GMDS: variants seen among roughly 807,000 people sequenced by gnomAD.
GMDS encodes GDP-mannose 4,6 dehydratase.
Under a neutral mutation model 49.9 loss-of-function variants are expected in GMDS, and 20 were observed. The observed-to-expected ratio is 0.40, with a 90% CI of 0.28 to 0.58. GMDS has a LOEUF of 0.58. Among genes scored for constraint, GMDS ranks in the 20% least tolerant of loss-of-function variants. The pLI is 0.42. For missense variants in GMDS, 362 were observed against 481.4 expected (o/e 0.75, Z 2.32); for synonymous variants, 177 against 178.6 (o/e 0.99, Z 0.07).
At chr6:1,837,213 A>T (rs1485242641) in intron 7 of GMDS, among the ~76,000 whole-genome samples, 1 of 152,208 alleles carries the variant, frequency 6.6e-6, no homozygotes, top group African/African-American at 2.4e-5. Flanking sequence ...AAAGTACAAG[A>T]TTCTTAAATG....
chr6:2,103,710 T>C (rs1419731076), intron 4 of GMDS, among the ~76,000 whole-genome samples: 1 of 152,178 alleles, frequency 6.6e-6, no homozygotes, highest in Admixed American at 6.5e-5. Flanking sequence ...CCAAATGCAA[T>C]TCTAAAACTT....
chr6:2,180,642 TATAA>T (rs888915834), intron 1 of GMDS, among the ~76,000 whole-genome samples: 44 of 152,156 alleles, frequency 2.9e-4, no homozygotes, highest in African/African-American at 4.8e-4. Context: ...ATAAATTATA[TATAA>T]ATAAATAAAT....
rs1312097407 is a variant in GMDS, at chr6:2,169,706, TC to T, written c.103-44976del. ...GGCCATCAGAAGAATAACTTATTTT[TC>T]CCTTTGATTTCATAAAATATTTGCC... On this transcript the variant is annotated intron_variant, in intron 1 of 10. Coordinates refer to ENST00000380815, the MANE Select transcript of GMDS (RefSeq NM_001500.4). 3.9e-5 allele frequency among the ~76,000 whole-genome samples: 6 copies of T among 152,196 alleles called. No individual in the cohort carries two copies. In the East Asian group the frequency reaches 1.2e-3, roughly 29 times the overall value.
At chr6:1,974,120 A>G (rs1318806541) in intron 4 of GMDS, among the ~76,000 whole-genome samples, 1 of 152,026 alleles carries the variant, frequency 6.6e-6, no homozygotes, top group African/African-American at 2.4e-5. Flanking sequence ...CAAAAATAGC[A>G]GATAGTAAAT....
At chr6:1,966,284 A>G (rs983518369) in intron 4 of GMDS, among the ~76,000 whole-genome samples, 10 of 151,854 alleles carry the variant, frequency 6.6e-5, no homozygotes, top group Non-Finnish European at 1.5e-4. Flanking sequence ...CCAATCACAA[A>G]GAGAGTTGCA....
At chr6:2,125,267 A>G (rs546665786) in intron 1 of GMDS, among the ~76,000 whole-genome samples, 1 of 151,794 alleles carries the variant, frequency 6.6e-6, no homozygotes, top group South Asian at 2.1e-4. Flanking sequence ...GTGAGACCTT[A>G]GCACTGTTAA....
chr6:1,982,167 G>A (rs1024504682), intron 4 of GMDS, among the ~76,000 whole-genome samples: 14 of 152,214 alleles, frequency 9.2e-5, no homozygotes, highest in Admixed American at 3.3e-4. Context: ...TTAGCCAGGC[G>A]TGGTGGTAGG....
chr6:2,193,277 A>C (rs1779129036), intron 1 of GMDS, among the ~76,000 whole-genome samples: 1 of 152,250 alleles, frequency 6.6e-6, no homozygotes, highest in Non-Finnish European at 1.5e-5. Flanking sequence ...CATAGGCACA[A>C]CGTATGTGTT....
At chr6:1,971,139 T>C (rs1764587154) in intron 4 of GMDS, among the ~76,000 whole-genome samples, 1 of 152,124 alleles carries the variant, frequency 6.6e-6, no homozygotes, top group Non-Finnish European at 1.5e-5. Context: ...GTAATGTAAG[T>C]AGAAGCTATT....
Position 2,124,823 on chromosome 6 carries a change from G to C in GMDS, c.103-92C>G, listed in dbSNP as rs901412422. The C allele has an allele frequency of 9.9e-5, 90 of 913,220 alleles. 1 individual carries two copies. In the Middle Eastern group the frequency reaches 2.7e-3, roughly 28 times the overall value. The allele number at this position is 913,220 out of a possible 1,614,324, so 56.6% of individuals were successfully genotyped here. ...GAGTTTTGAGAAAAGCATTTAAAAGGCTACCTAACTTAAGGACAATGGCAA... is the reference window on the plus strand; with the variant it reads ...GAGTTTTGAGAAAAGCATTTAAAAGCCTACCTAACTTAAGGACAATGGCAA... On this transcript the variant is annotated intron_variant, in intron 1 of 10. Coordinates refer to ENST00000380815, the MANE Select transcript of GMDS (RefSeq NM_001500.4).
chr6:1,921,516 G>A (rs1043734104), intron 7 of GMDS, among the ~76,000 whole-genome samples: 1 of 152,056 alleles, frequency 6.6e-6, no homozygotes, highest in African/African-American at 2.4e-5. Context: ...ATAATACACT[G>A]AAAAGTTTAC....
rs74730162 is a variant in GMDS at position 1,778,420 on chromosome 6, C to A, written c.772-35834G>T. On this transcript the variant is annotated intron_variant, in intron 7 of 10. Coordinates refer to ENST00000380815, the MANE Select transcript of GMDS (RefSeq NM_001500.4). This position sits in a 1 kb window ranked among gnomAD's most constrained non-coding sequence, Gnocchi z 4.6. Reference sequence around the variant, plus strand: ...TTAAAGGTTCAGTGGAGACAGCAGACGAGTGGAACGGCGGGCACTGTGCTG... The same window carrying A: ...TTAAAGGTTCAGTGGAGACAGCAGAAGAGTGGAACGGCGGGCACTGTGCTG... Among the ~76,000 whole-genome samples, 1 of 152,076 alleles carries A rather than the reference C, an allele frequency of 6.6e-6. No individual in the cohort carries two copies. The highest frequency in any genetic ancestry group is 2.4e-5 in the African/African-American group (1 of 41,410).
chr6:2,211,375 A>AATGAG (rs2127583047), intron 1 of GMDS, among the ~76,000 whole-genome samples: 1 of 152,324 alleles, frequency 6.6e-6, no homozygotes, highest in South Asian at 2.1e-4. Flanking sequence ...GAAGTAATAA[A>AATGAG]ATAATCTCAA....
chr6:2,232,716 T>C (rs1781167056), intron 1 of GMDS, among the ~76,000 whole-genome samples: 1 of 152,158 alleles, frequency 6.6e-6, no homozygotes, highest in East Asian at 1.9e-4. Flanking sequence ...GGAACAGCTC[T>C]CAGAGAACAG....
chr6:1,693,298 C>T (rs1399132360), intron 9 of GMDS, among the ~76,000 whole-genome samples: 1 of 152,244 alleles, frequency 6.6e-6, no homozygotes, highest in African/African-American at 2.4e-5. Context: ...GCCCTGACTG[C>T]TCCAGGGGCA....
intron 7 of GMDS, among the ~76,000 whole-genome samples, chr6:1,821,631 T>C (rs943287361): frequency 9.4e-6 from 1 of 106,114 alleles, no homozygotes; most frequent in Non-Finnish European, 2.0e-5. Flanking sequence ...TTTTTTTTTT[T>C]TTTTTTTACC....
intron 4 of GMDS, among the ~76,000 whole-genome samples, chr6:2,089,143 G>C (rs1773176241): frequency 6.6e-6 from 1 of 152,120 alleles, no homozygotes; most frequent in Non-Finnish European, 1.5e-5. Context: ...ATGAATAAAT[G>C]GTGCTCAATC....
At position 2,149,347 on chromosome 6, in the gene GMDS, A is replaced by G. The variant is rs148434370; in HGVS notation, c.103-24616T>C. On this transcript the variant is annotated intron_variant, in intron 1 of 10. Coordinates refer to ENST00000380815, the MANE Select transcript of GMDS (RefSeq NM_001500.4). ...GACTTTTTATTTTTTTAGCCACACC[A>G]CCAGCAAATACTGCATCACTTACAT... is the stretch of plus-strand genomic sequence containing the variant. Among the ~76,000 whole-genome samples, 866 of 152,314 alleles carry G rather than the reference A, an allele frequency of 5.7e-3. 2 individuals are homozygous for G. The highest frequency in any genetic ancestry group is 0.017 in the Middle Eastern group (5 of 294).
At position 1,647,803 on chromosome 6, in the gene GMDS, C is replaced by T. The variant is rs76323216; in HGVS notation, c.988-23263G>A. Among the ~76,000 whole-genome samples, 1,308 of 152,284 alleles carry T rather than the reference C, an allele frequency of 8.6e-3. 30 individuals carry two copies. The highest frequency in any genetic ancestry group is 5.6e-3 in the Non-Finnish European group (383 of 68,038). ...CGGAGTGGGGGAAGGACAAGCCCTTCCTTCCTCCTGGAATGTCCTTCTCAG... is the reference window on the plus strand; with the variant it reads ...CGGAGTGGGGGAAGGACAAGCCCTTTCTTCCTCCTGGAATGTCCTTCTCAG... On this transcript the variant is annotated intron_variant, in intron 9 of 10. Coordinates refer to ENST00000380815, the MANE Select transcript of GMDS (RefSeq NM_001500.4).
Sources: allele counts gnomAD v4.1 joint callset (sites outside exome capture counted in the v4.1 genomes callset), GRCh38; gene constraint gnomAD v4.1.1; non-coding constraint Gnocchi (gnomAD v3.1); transcripts MANE v1.5; gene names NCBI Gene and HGNC (gene_info 2026-07-23, HGNC 2026-07-21).